TMEM163: variants seen among roughly 807,000 people sequenced by gnomAD.
TMEM163 encodes the protein transmembrane protein 163.
Under a neutral mutation model 29.3 loss-of-function variants are expected in TMEM163, and 17 were observed. The observed-to-expected ratio is 0.58, with a 90% CI of 0.40 to 0.87. The LOEUF is 0.87. Ranked by LOEUF, TMEM163 falls within the 40% of genes least tolerant of loss-of-function variation. The probability of loss-of-function intolerance (pLI) is 0.00; values close to 1 mark genes in which losing one functional copy is unlikely to be tolerated. For synonymous variants in TMEM163, 157 were observed against 160.6 expected (o/e 0.98, Z 0.17); for missense variants, 303 against 381.5 (o/e 0.79, Z 1.71).
chr2:134,470,516 C>A lies in TMEM163; in HGVS notation c.556-4291G>T, dbSNP rs919572031. ...TCTGAGCATGGGTTATTTCTACCAG[C>A]CACCCTTTGCTCCTAGGACTGGCTC... On this transcript the variant is annotated intron_variant, in intron 5 of 7. Transcript: ENST00000281924. 3.9e-5 allele frequency among the ~76,000 whole-genome samples: 6 copies of A among 152,302 alleles called. 1 individual carries two copies. The highest frequency in any genetic ancestry group is 1.4e-4 in the African/African-American group (6 of 41,558).
At chr2:134,557,469 A>G (rs1681071955) in intron 2 of TMEM163, among the ~76,000 whole-genome samples, 1 of 152,216 alleles carries the variant, frequency 6.6e-6, no homozygotes, top group Non-Finnish European at 1.5e-5. Flanking sequence ...GTCCAGGCAC[A>G]GCTTGGTTTT....
chr2:134,688,850 A>G (rs907223534), intron 2 of TMEM163, among the ~76,000 whole-genome samples: 8 of 152,154 alleles, frequency 5.3e-5, no homozygotes, highest in East Asian at 1.9e-4. Flanking sequence ...TATGGTATCC[A>G]CTAGCCACAT....
At chr2:134,667,948 TCATTCCAA>T (rs1683902342) in intron 2 of TMEM163, among the ~76,000 whole-genome samples, 1 of 152,170 alleles carries the variant, frequency 6.6e-6, no homozygotes, top group Non-Finnish European at 1.5e-5. Flanking sequence ...AGAATAGAGA[TCATTCCAA>T]CAGGTCAAGC....
At chr2:134,490,733 T>C (rs1199602842) in intron 5 of TMEM163, among the ~76,000 whole-genome samples, 3 of 152,150 alleles carry the variant, frequency 2.0e-5, no homozygotes. Context: ...GCTCCTATGA[T>C]AGATGGAGGC....
intron 4 of TMEM163, among the ~76,000 whole-genome samples, chr2:134,524,164 A>C (rs769017673): frequency 2.6e-5 from 4 of 152,226 alleles, no homozygotes; most frequent in Non-Finnish European, 5.9e-5. Context: ...AATAGCCCAG[A>C]TTGATTTGTA....
intron 2 of TMEM163, among the ~76,000 whole-genome samples, chr2:134,589,032 G>A (rs1681882350): frequency 6.6e-6 from 1 of 152,128 alleles, no homozygotes. Flanking sequence ...AGATAAATAG[G>A]AAGAGACAAA....
chr2:134,532,055 G>A (rs1017078443), intron 4 of TMEM163, among the ~76,000 whole-genome samples: 7 of 152,204 alleles, frequency 4.6e-5, no homozygotes, highest in African/African-American at 1.4e-4. Flanking sequence ...GACCAAATAC[G>A]TATTTCATAA....
intron 2 of TMEM163, among the ~76,000 whole-genome samples, chr2:134,708,476 A>G (rs935226142): frequency 2.0e-5 from 3 of 152,082 alleles, no homozygotes; most frequent in African/African-American, 7.2e-5. Flanking sequence ...ATTATTTTAA[A>G]ATCTCCACAT....
chr2:134,700,941 A>AATACATACATAAATAC (rs1553495681), intron 2 of TMEM163, among the ~76,000 whole-genome samples: 1 of 146,368 alleles, frequency 6.8e-6, no homozygotes. Context: ...TAAATAAATA[A>AATACATACATAAATAC]ATAAATAAAG....
chr2:134,582,536 G>A lies in TMEM163; in HGVS notation c.323-30445C>T, dbSNP rs926267133. 7.2e-5 allele frequency among the ~76,000 whole-genome samples: 11 copies of A among 152,216 alleles called. No individual in the cohort carries two copies. The East Asian group carries it at 9.6e-4, about 13-fold the overall frequency. Reference sequence around the variant, plus strand: ...TCTCTGGACTCTTGAACCTAGTGCCGTCCCTGTTGAAGTTAACTGGAGTCT... The same window carrying A: ...TCTCTGGACTCTTGAACCTAGTGCCATCCCTGTTGAAGTTAACTGGAGTCT... On this transcript the variant is annotated intron_variant, in intron 2 of 7. Transcript: ENST00000281924.
At chr2:134,666,979 G>A (rs1182020585) in intron 2 of TMEM163, among the ~76,000 whole-genome samples, 1 of 152,158 alleles carries the variant, frequency 6.6e-6, no homozygotes, top group Non-Finnish European at 1.5e-5. Flanking sequence ...GCCCCTCTGT[G>A]ATGCTGTGGC....
intron 2 of TMEM163, among the ~76,000 whole-genome samples, chr2:134,566,863 A>G (rs1030541105): frequency 3.3e-5 from 5 of 152,244 alleles, no homozygotes; most frequent in African/African-American, 1.2e-4. Flanking sequence ...CATGCATACC[A>G]TAAGATATCA....
At chr2:134,656,416 TG>T (rs1014540741) in intron 2 of TMEM163, among the ~76,000 whole-genome samples, 24 of 151,580 alleles carry the variant, frequency 1.6e-4, no homozygotes, top group African/African-American at 5.9e-4. Context: ...TCGCGCACGG[TG>T]CACGCACCCA....
intron 2 of TMEM163, among the ~76,000 whole-genome samples, chr2:134,695,925 G>A (rs1684569993): frequency 6.6e-6 from 1 of 152,042 alleles, no homozygotes; most frequent in Non-Finnish European, 1.5e-5. Context: ...GGTGGTGGGT[G>A]CCTGTAATCC....
intron 2 of TMEM163, among the ~76,000 whole-genome samples, chr2:134,661,542 G>A (rs1683751344): frequency 6.6e-6 from 1 of 152,182 alleles, no homozygotes; most frequent in Non-Finnish European, 1.5e-5. Flanking sequence ...TGAAGATCGT[G>A]CAACCCTATT....
chr2:134,473,685 T>C (rs1598280), intron 5 of TMEM163, among the ~76,000 whole-genome samples: 4,354 of 152,154 alleles, frequency 0.029, 101 homozygotes, highest in South Asian at 0.071. Flanking sequence ...ATGTTACCAA[T>C]ATCAGGAATG....
At chr2:134,550,207 T>G (rs996429315) in intron 4 of TMEM163, among the ~76,000 whole-genome samples, 5 of 152,184 alleles carry the variant, frequency 3.3e-5, no homozygotes, top group Admixed American at 6.5e-5. Context: ...AGATGTCTTC[T>G]GTAAATGACA....
intron 2 of TMEM163, among the ~76,000 whole-genome samples, chr2:134,684,704 T>A (rs946473380): frequency 6.6e-6 from 1 of 151,902 alleles, no homozygotes; most frequent in Non-Finnish European, 1.5e-5. Flanking sequence ...GGCAGGTGGA[T>A]CATGAGGTCA....
At chr2:134,498,205 G>A (rs866284317) in intron 5 of TMEM163, among the ~76,000 whole-genome samples, 10 of 152,224 alleles carry the variant, frequency 6.6e-5, no homozygotes, top group East Asian at 5.8e-4. Context: ...CCACACCTTG[G>A]ACAGATGCGG....
Sources: gnomAD v4.1 joint callset for allele counts (sites outside exome capture counted in the v4.1 genomes callset) on GRCh38, gnomAD v4.1.1 for gene constraint, MANE v1.5 for transcripts, NCBI Gene and HGNC (gene_info 2026-07-23, HGNC 2026-07-21) for gene names.